Variants in ZCWPW2 observed in about 807,000 individuals in gnomAD.
ZCWPW2 encodes the protein zinc finger CW-type and PWWP domain containing 2, also known as zinc finger CW-type PWWP domain protein 2.
Under a neutral mutation model 46.6 loss-of-function variants are expected in ZCWPW2, and 45 were observed. That is an observed-to-expected ratio of 0.96 (90% CI 0.76 to 1.24). The LOEUF is 1.24. ZCWPW2 is among the 50% of genes most tolerant of loss of function. The pLI is 0.00. For synonymous variants in ZCWPW2, 152 were observed against 137.1 expected (o/e 1.11, Z -0.76); for missense variants, 429 against 403.9 (o/e 1.06, Z -0.53).
intron 2 of ZCWPW2, among the ~76,000 whole-genome samples, chr3:28,407,176 A>G (rs771736052): frequency 1.3e-5 from 2 of 152,082 alleles, no homozygotes; most frequent in African/African-American, 4.8e-5. Flanking sequence ...AAAGTGAACT[A>G]CTTATCTTTT....
Position 28,478,871 on chromosome 3 carries a change from C to T in ZCWPW2, c.550C>T (p.Leu184=), listed in dbSNP as rs755022518. Residue 184 remains leucine, a synonymous_variant, in exon 5 of 10, where the codon CTA becomes TTA. Transcript: ENST00000383768. ...WYKSALQEAC[L]LYGYSHEQRL... is the part of the protein sequence containing the mutation. The stretch of plus-strand genomic sequence containing the variant: ...TAAAAGTGCACTACAAGAAGCATGT[C>T]TACTCTATGGATATTCTCATGAGCA... 6 of 1,587,356 alleles carry T rather than the reference C, an allele frequency of 3.8e-6. No homozygotes were observed. The highest frequency in any genetic ancestry group is 5.1e-6 in the Non-Finnish European group (6 of 1,169,884).
chr3:28,485,784 GATT>G (rs1699580194), intron 5 of ZCWPW2, among the ~76,000 whole-genome samples: 1 of 151,976 alleles, frequency 6.6e-6, no homozygotes, highest in Non-Finnish European at 1.5e-5. Context: ...TGTTTAAAAT[GATT>G]ATTTTTAATA....
chr3:28,381,049 T>TATATATATATATATATATATTTG, intron 1 of ZCWPW2, among the ~76,000 whole-genome samples: 1 of 28,338 alleles, frequency 3.5e-5, no homozygotes, highest in African/African-American at 1.6e-4. Context: ...ATATATTTGG[T>TATATATATATATATATATATTTG]GTATATATAT....
chr3:28,479,025 T>G, intron 5 of ZCWPW2, 94 bp downstream of exon 5: 1 of 750,336 alleles, frequency 1.3e-6, no homozygotes, highest in South Asian at 2.0e-5. Flanking sequence ...AATCTCTATC[T>G]CTTTCTCTTC....
intron 1 of ZCWPW2, among the ~76,000 whole-genome samples, chr3:28,363,392 T>C (rs1057428647): frequency 1.3e-5 from 2 of 152,192 alleles, no homozygotes; most frequent in African/African-American, 4.8e-5. Context: ...GTTTTTCTTA[T>C]AATAGCACTG....
chr3:28,472,946 A>C (rs1424075618), intron 4 of ZCWPW2, among the ~76,000 whole-genome samples: 5 of 152,196 alleles, frequency 3.3e-5, no homozygotes, highest in Non-Finnish European at 5.9e-5. Context: ...TTCTCAAAAG[A>C]AGACATACAA....
chr3:28,484,650 A>T (rs1407193919), intron 5 of ZCWPW2, among the ~76,000 whole-genome samples: 1 of 151,778 alleles, frequency 6.6e-6, no homozygotes, highest in East Asian at 1.9e-4. Context: ...AATATTAGTA[A>T]TTTGTGCCTG....
rs1343532375 is a variant in ZCWPW2 at position 28,525,880 on chromosome 3, G to A, written c.*1192G>A. Among the ~76,000 whole-genome samples the A allele has an allele frequency of 3.9e-5, 6 of 152,116 alleles. No homozygotes were observed. The highest frequency in any genetic ancestry group is 3.9e-4 in the Admixed American group (6 of 15,254). On this transcript the variant is annotated 3_prime_UTR_variant, in exon 10 of 10. Transcript: ENST00000383768. ...TTAGCATTCTGATATTGTGTCATAG[G>A]ATGTTGAGTTGTAAAGCCTATCTGG... is the stretch of plus-strand genomic sequence containing the variant.
At chr3:28,499,885 G>C (rs6799999) in intron 6 of ZCWPW2, among the ~76,000 whole-genome samples, 1 of 151,850 alleles carries the variant, frequency 6.6e-6, no homozygotes, top group Non-Finnish European at 1.5e-5. Context: ...AACATTTTCT[G>C]ATTTTCCTTT....
At chr3:28,516,997 A>G (rs2125836017) in intron 8 of ZCWPW2, among the ~76,000 whole-genome samples, 1 of 152,320 alleles carries the variant, frequency 6.6e-6, no homozygotes, top group Non-Finnish European at 1.5e-5. Context: ...GGGTTACAGA[A>G]AGGATGAAGT....
intron 1 of ZCWPW2, among the ~76,000 whole-genome samples, chr3:28,356,942 A>G (rs536766601): frequency 5.3e-5 from 8 of 152,286 alleles, no homozygotes; most frequent in African/African-American, 1.9e-4. Flanking sequence ...AACATGGCAT[A>G]TGTATACATA....
At chr3:28,397,093 C>T (rs1392629520) in intron 2 of ZCWPW2, among the ~76,000 whole-genome samples, 1 of 150,920 alleles carries the variant, frequency 6.6e-6, no homozygotes, top group East Asian at 2.0e-4. Flanking sequence ...CACATCACTG[C>T]ACTCTGGCCT....
At chr3:28,422,323 G>T (rs1161381323) in intron 3 of ZCWPW2, among the ~76,000 whole-genome samples, 2 of 152,076 alleles carry the variant, frequency 1.3e-5, no homozygotes, top group East Asian at 1.9e-4. Context: ...CACCATTATA[G>T]TATATACAGA....
intron 3 of ZCWPW2, among the ~76,000 whole-genome samples, chr3:28,429,509 C>A (rs960257817): frequency 2.0e-5 from 3 of 152,106 alleles, no homozygotes; most frequent in Non-Finnish European, 4.4e-5. Context: ...AAATTAGCAG[C>A]CTGATGATGT....
intron 2 of ZCWPW2, among the ~76,000 whole-genome samples, chr3:28,412,224 T>G (rs1478727994): frequency 6.6e-6 from 1 of 151,702 alleles, no homozygotes; most frequent in African/African-American, 2.4e-5. Context: ...TTTATATTTA[T>G]TTATTACTAT....
intron 4 of ZCWPW2, among the ~76,000 whole-genome samples, chr3:28,449,042 T>C (rs1436589814): frequency 6.6e-6 from 1 of 151,974 alleles, no homozygotes; most frequent in South Asian, 2.1e-4. Flanking sequence ...AGTAAACCTA[T>C]AGACAAGTGG....
chr3:28,478,541 G>C (rs1421335322), intron 4 of ZCWPW2, among the ~76,000 whole-genome samples: 3 of 151,988 alleles, frequency 2.0e-5, no homozygotes, highest in Admixed American at 2.0e-4. Flanking sequence ...GTGACGCTGA[G>C]GGCCTTTTTG....
chr3:28,446,686 T>C (rs1698003116), intron 4 of ZCWPW2, among the ~76,000 whole-genome samples: 1 of 151,980 alleles, frequency 6.6e-6, no homozygotes, highest in Admixed American at 6.6e-5. Flanking sequence ...AGAGATAAGA[T>C]ATATAATAGA....
At chr3:28,447,176 G>A (rs559702324) in intron 4 of ZCWPW2, among the ~76,000 whole-genome samples, 2 of 151,922 alleles carry the variant, frequency 1.3e-5, no homozygotes, top group African/African-American at 4.8e-5. Context: ...CATTACTCTG[G>A]TACAAAAGAC....
Sources: gnomAD v4.1 joint callset for allele counts (sites outside exome capture counted in the v4.1 genomes callset) on GRCh38, gnomAD v4.1.1 for gene constraint, MANE v1.5 for transcripts, NCBI Gene and HGNC (gene_info 2026-07-23, HGNC 2026-07-21) for gene names.